APBA1: variants seen among roughly 807,000 people sequenced by gnomAD.
APBA1 encodes amyloid beta precursor protein binding family A member 1.
Under a neutral mutation model 86.6 loss-of-function variants are expected in APBA1, and 55 were observed. The ratio of observed to expected loss-of-function variants is 0.64; its 90% CI spans 0.51 to 0.80. The LOEUF (loss-of-function observed/expected upper bound fraction) is 0.80, where lower values mean the gene tolerates loss of function less well. Ranked by LOEUF, APBA1 falls within the 30% of genes least tolerant of loss-of-function variation. The pLI, the probability that APBA1 is intolerant of heterozygous loss-of-function variation, is 0.00. For synonymous variants in APBA1, 511 were observed against 493.9 expected (o/e 1.03, Z -0.46); for missense variants, 1,090 against 1,183.0 (o/e 0.92, Z 1.15).
rs570510538 is a variant in APBA1 at position 69,453,691 on chromosome 9, CA to C, written c.1789-1391del. 5.8e-4 allele frequency among the ~76,000 whole-genome samples: 88 copies of C among 152,294 alleles called. 1 individual carries two copies. Among genetic ancestry groups the C allele is most frequent in the South Asian group, 5.4e-3 (26 of 4,830 alleles). On this transcript the variant is annotated intron_variant, in intron 8 of 12. Coordinates refer to ENST00000265381, the MANE Select transcript of APBA1 (RefSeq NM_001163.4). The stretch of plus-strand genomic sequence containing the variant: ...CCAATTTTAGAAAGGTAGCAGGGTG[CA>C]AATACTGTACATTGTGCCATAACCC...
At position 69,432,720 on chromosome 9, in the gene APBA1, G is replaced by A. The variant is rs375638532; in HGVS notation, c.2302-44C>T. 48 of 1,432,220 alleles carry A rather than the reference G, an allele frequency of 3.4e-5. No individual in the cohort carries two copies. In the Middle Eastern group the frequency reaches 5.6e-4, roughly 17 times the overall value. The allele number at this position is 1,432,220 out of a possible 1,614,324, so 88.7% of individuals were successfully genotyped here. On this transcript the variant is annotated intron_variant, in intron 11 of 12. Transcript: ENST00000265381. ...GAGTTACCCTCATTGCAGACAGTGCGGTGGGGCTGGAAGGCCGTCTTTCCT... is the reference window on the plus strand; with the variant it reads ...GAGTTACCCTCATTGCAGACAGTGCAGTGGGGCTGGAAGGCCGTCTTTCCT...
chr9:69,497,833 CA>C (rs1316695542), intron 2 of APBA1, among the ~76,000 whole-genome samples: 1 of 152,132 alleles, frequency 6.6e-6, no homozygotes, highest in Non-Finnish European at 1.5e-5. Context: ...TCGGGATCTG[CA>C]AATCTGCCTC....
At chr9:69,563,938 C>T (rs1428764821) in intron 1 of APBA1, among the ~76,000 whole-genome samples, 1 of 152,072 alleles carries the variant, frequency 6.6e-6, no homozygotes, top group Non-Finnish European at 1.5e-5. Flanking sequence ...GGTCAAGTCT[C>T]AGTAAATTGT....
At chr9:69,489,827 A>G (rs113965905) in intron 2 of APBA1, among the ~76,000 whole-genome samples, 5 of 152,230 alleles carry the variant, frequency 3.3e-5, no homozygotes, top group African/African-American at 7.2e-5. Context: ...AGGAAACAAC[A>G]GGTGCTAGAG....
rs1370457094 is a variant in APBA1 at position 69,427,788 on chromosome 9, T to TATAG, written c.*3535_*3538dup. 6.6e-6 allele frequency: 1 copy of TATAG among 152,018 alleles called. No individual in the cohort carries two copies. 9.4% of individuals were successfully genotyped at this position (152,018 alleles called of 1,614,324 possible). A position where few individuals can be genotyped will look rare whatever the true frequency, so the allele number is the denominator to read the frequency against. On this transcript the variant is annotated 3_prime_UTR_variant, in exon 13 of 13. Transcript: ENST00000265381. The stretch of plus-strand genomic sequence containing the variant: ...ATTTATATATTTATTTATATTTATA[T>TATAG]ATAGATCATTGAGTTTTGTGTATAC...
At chr9:69,523,154 A>G (rs559420779) in intron 1 of APBA1, among the ~76,000 whole-genome samples, 2 of 152,206 alleles carry the variant, frequency 1.3e-5, no homozygotes, top group South Asian at 4.2e-4. Context: ...CAGGTATCTC[A>G]TAATGTGTAG....
At chr9:69,672,997 T>C (rs1823987188), upstream of APBA1, 4 of 152,302 alleles carry the variant, frequency 2.6e-5, no homozygotes, top group Admixed American at 2.6e-4. Context: ...ATTCGGAGAT[T>C]GACGGCGTCT....
intron 1 of APBA1, among the ~76,000 whole-genome samples, chr9:69,642,162 A>G (rs1823300099): frequency 6.6e-6 from 1 of 152,252 alleles, no homozygotes; most frequent in South Asian, 2.1e-4. Context: ...TTTGAAAGAC[A>G]GTGTTAGGAA....
chr9:69,553,206 C>T lies in APBA1; in HGVS notation c.-69-35927G>A, dbSNP rs534841060. On this transcript the variant is annotated intron_variant, in intron 1 of 12. Coordinates refer to ENST00000265381, the MANE Select transcript of APBA1 (RefSeq NM_001163.4). ...GCCACCATGCCCAGCTGGCACTTTT[C>T]TTTTAATGGAGGTATAACTTAGATA... Among the ~76,000 whole-genome samples, 4 of 152,262 alleles carry T rather than the reference C, an allele frequency of 2.6e-5. No homozygotes were observed. In the South Asian group the frequency reaches 8.3e-4, roughly 32 times the overall value.
At chr9:69,657,451 C>G (rs1027443437) in intron 1 of APBA1, among the ~76,000 whole-genome samples, 2 of 152,222 alleles carry the variant, frequency 1.3e-5, no homozygotes, top group African/African-American at 4.8e-5. Flanking sequence ...ACACTGACAT[C>G]AGCAGTTTAT....
At position 69,449,625 on chromosome 9, in the gene APBA1, G is replaced by A; in HGVS notation, c.2140C>T (p.Leu714=). The part of the protein sequence containing the change: ...DQIMSINGTS[L]VGLPLSTCQS... ...CAGGTGGACAGAGGCAGGCCCACCAGGCTGGTGCCATTAATGGACATGATC... is the reference window on the plus strand; with the variant it reads ...CAGGTGGACAGAGGCAGGCCCACCAAGCTGGTGCCATTAATGGACATGATC... Residue 714 remains leucine (L), a synonymous_variant, in exon 10 of 13, where the codon CTG becomes TTG. Transcript: ENST00000265381. 1 of 1,613,996 alleles carries A rather than the reference G, an allele frequency of 6.2e-7. No homozygotes were observed. The highest frequency in any genetic ancestry group is 1.1e-5 in the South Asian group (1 of 91,064).
chr9:69,462,447 G>A (rs1835206377), intron 5 of APBA1: 1 of 152,238 alleles, frequency 6.6e-6, no homozygotes, highest in Non-Finnish European at 1.5e-5. Flanking sequence ...AAGACTGACA[G>A]CACATAGGAC....
chr9:69,433,252 G>A (rs1834636464), intron 11 of APBA1, among the ~76,000 whole-genome samples: 1 of 152,210 alleles, frequency 6.6e-6, no homozygotes, highest in Non-Finnish European at 1.5e-5. Flanking sequence ...ATTTTGTGAT[G>A]GCACAGCCAG....
Position 69,569,097 on chromosome 9 carries a change from G to A in APBA1, c.-69-51818C>T, listed in dbSNP as rs369426588. Among the ~76,000 whole-genome samples the A allele has an allele frequency of 2.2e-4, 33 of 152,306 alleles. No individual in the cohort carries two copies. In the South Asian group the frequency reaches 6.4e-3, roughly 30 times the overall value. On this transcript the variant is annotated intron_variant, in intron 1 of 12. Coordinates refer to ENST00000265381, the MANE Select transcript of APBA1 (RefSeq NM_001163.4). ...GCAAGGCTCACTTAGCTATGGAACA[G>A]GCATCCGCTAGGGTTTCCGTTTGAC...
chr9:69,663,033 A>G, intron 1 of APBA1, among the ~76,000 whole-genome samples: 1 of 152,264 alleles, frequency 6.6e-6, no homozygotes, highest in Non-Finnish European at 1.5e-5. Flanking sequence ...AACTTTTGAC[A>G]TGAAATTATT....
intron 1 of APBA1, among the ~76,000 whole-genome samples, chr9:69,559,573 A>C (rs1254894259): frequency 6.6e-6 from 1 of 152,080 alleles, no homozygotes; most frequent in Non-Finnish European, 1.5e-5. Flanking sequence ...ATTCCATGTC[A>C]TTATCATTCT....
At chr9:69,535,154 A>G (rs562281102) in intron 1 of APBA1, among the ~76,000 whole-genome samples, 49 of 152,326 alleles carry the variant, frequency 3.2e-4, no homozygotes, top group African/African-American at 1.1e-3. Context: ...CTGAAACTCA[A>G]TAAAGAACCA....
At chr9:69,481,734 C>G (rs1289182567) in intron 2 of APBA1, among the ~76,000 whole-genome samples, 2 of 150,330 alleles carry the variant, frequency 1.3e-5, no homozygotes, top group African/African-American at 4.9e-5. Flanking sequence ...TACAAGGCTA[C>G]AGTAACCACA....
intron 1 of APBA1, among the ~76,000 whole-genome samples, chr9:69,654,112 C>CAAA (rs34666773): frequency 3.2e-4 from 19 of 60,308 alleles, no homozygotes; most frequent in Non-Finnish European, 4.0e-4. Flanking sequence ...AACTCCATCT[C>CAAA]AAAAAAAAAA....
Sources: allele counts gnomAD v4.1 joint callset (sites outside exome capture counted in the v4.1 genomes callset), GRCh38; gene constraint gnomAD v4.1.1; transcripts MANE v1.5; gene names NCBI Gene and HGNC (gene_info 2026-07-23, HGNC 2026-07-21).